The following GAS7 variants were observed in gnomAD, a reference collection of about 807,000 sequenced individuals.
GAS7 encodes the protein growth arrest specific 7.
Under a neutral mutation model 71.1 loss-of-function variants are expected in GAS7, and 28 were observed. The observed-to-expected ratio is 0.39, with a 90% CI of 0.29 to 0.54. GAS7 has a LOEUF of 0.54. Among genes scored for constraint, GAS7 ranks in the 20% least tolerant of loss-of-function variants. The pLI is 0.62. For missense variants in GAS7, 436 were observed against 627.8 expected (o/e 0.69, Z 3.27); for synonymous variants, 258 against 245.8 (o/e 1.05, Z -0.46).
intron 1 of GAS7, among the ~76,000 whole-genome samples, chr17:10,117,121 G>A (rs1377907865): frequency 6.6e-6 from 1 of 152,112 alleles, no homozygotes; most frequent in Non-Finnish European, 1.5e-5. Context: ...GGTTCCTCCT[G>A]GAGGCTCTAG....
Position 10,046,844 on chromosome 17 carries a change from G to GAAAA in GAS7, c.184-26948_184-26947insTTTT, listed in dbSNP as rs2072976254. Among the ~76,000 whole-genome samples the GAAAA allele has an allele frequency of 2.0e-4, 16 of 80,902 alleles. 2 individuals carry two copies. Among genetic ancestry groups the GAAAA allele is most frequent in the African/African-American group, 7.1e-4 (11 of 15,394 alleles). 53.1% of individuals were successfully genotyped at this position (80,902 alleles called of 152,430 possible). ...AGGAAGGAAGGAAGGAAGGAAGGAAGGAAAGAAAAGAAAAGAAAAAAGAAA... is the reference window on the plus strand; with the variant it reads ...AGGAAGGAAGGAAGGAAGGAAGGAAGAAAAGAAAGAAAAGAAAAGAAAAAAGAAA... On this transcript the variant is annotated intron_variant, in intron 1 of 13. Coordinates refer to ENST00000432992, the MANE Select transcript of GAS7 (RefSeq NM_201433.2).
chr17:9,951,832 C>T (rs532486017), intron 5 of GAS7, among the ~76,000 whole-genome samples: 44 of 145,396 alleles, frequency 3.0e-4, no homozygotes, highest in Admixed American at 7.0e-4. Flanking sequence ...TTGGCCAAAA[C>T]GTGGGGCAGG....
At chr17:9,947,391 A>C (rs2068827536) in intron 5 of GAS7, among the ~76,000 whole-genome samples, 1 of 152,204 alleles carries the variant, frequency 6.6e-6, no homozygotes, top group Non-Finnish European at 1.5e-5. Flanking sequence ...TGGTTAAACA[A>C]AGTATGAGAT....
rs1451306817 is a variant in GAS7 at position 9,913,890 on chromosome 17, T to C, written c.*3338A>G. On this transcript the variant is annotated 3_prime_UTR_variant, in exon 14 of 14. Coordinates refer to ENST00000432992, the MANE Select transcript of GAS7 (RefSeq NM_201433.2). ...AAACAGATCTTGTGCATCAGTCTCC[T>C]GGGTGGAGGCAGGTAGAAGGGGCTG... is the stretch of plus-strand genomic sequence containing the variant. The C allele has an allele frequency of 8.6e-6, 2 of 232,200 alleles. No homozygotes were observed. Among genetic ancestry groups the C allele is most frequent in the Non-Finnish European group, 1.7e-5 (2 of 117,394 alleles). The allele number at this position is 232,200 out of a possible 1,614,324, so 14.4% of individuals were successfully genotyped here. A position where few individuals can be genotyped will look rare whatever the true frequency, so the allele number is the denominator to read the frequency against.
chr17:10,148,549 C>T (rs914298450), intron 1 of GAS7, among the ~76,000 whole-genome samples: 54 of 147,884 alleles, frequency 3.7e-4, no homozygotes, highest in African/African-American at 1.3e-3. Flanking sequence ...ACCCGGGAGG[C>T]GGAGGTTGCA....
At chr17:10,173,620 T>A (rs1318778637) in intron 1 of GAS7, among the ~76,000 whole-genome samples, 1 of 151,904 alleles carries the variant, frequency 6.6e-6, no homozygotes, top group African/African-American at 2.4e-5. Flanking sequence ...TACAAAAAAT[T>A]AGCCGGGTGT....
rs1297223780 is a variant in GAS7 at position 9,995,180 on chromosome 17, C to T, written c.305-13296G>A. Among the ~76,000 whole-genome samples, 3 of 152,288 alleles carry T rather than the reference C, an allele frequency of 2.0e-5. No homozygotes were observed. In the East Asian group the frequency reaches 5.8e-4, roughly 29 times the overall value. On this transcript the variant is annotated intron_variant, in intron 2 of 13. Coordinates refer to ENST00000432992, the MANE Select transcript of GAS7 (RefSeq NM_201433.2). ...TACATCCCCTGCTTTCATACCTATCCCTCCCACCAGATGTATTCTGAGGGT... is the reference window on the plus strand; with the variant it reads ...TACATCCCCTGCTTTCATACCTATCTCTCCCACCAGATGTATTCTGAGGGT...
chr17:10,125,986 G>A (rs2073943025), intron 1 of GAS7, among the ~76,000 whole-genome samples: 1 of 152,136 alleles, frequency 6.6e-6, no homozygotes, highest in African/African-American at 2.4e-5. Flanking sequence ...GACCACCACG[G>A]GTGCAACCCA....
chr17:10,146,974 T>A (rs1213474473), intron 1 of GAS7, among the ~76,000 whole-genome samples: 1 of 105,298 alleles, frequency 9.5e-6, no homozygotes, highest in Admixed American at 9.6e-5. Context: ...AAAAACGATC[T>A]CTGTCTTCCT....
Position 9,994,162 on chromosome 17 carries a change from C to A in GAS7, c.305-12278G>T, listed in dbSNP as rs1168866119. 4.2e-3 allele frequency among the ~76,000 whole-genome samples: 625 copies of A among 150,130 alleles called. 8 individuals are homozygous for A. The highest frequency in any genetic ancestry group is 0.015 in the African/African-American group (597 of 40,674). On this transcript the variant is annotated intron_variant, in intron 2 of 13. Transcript: ENST00000432992. ...ATCAAGCTACCAATGCCTTTCTTCA[C>A]AGAATTGGAAAAAACTACTTTAAAG...
chr17:10,151,393 G>A (rs1281089550), intron 1 of GAS7, among the ~76,000 whole-genome samples: 2 of 151,172 alleles, frequency 1.3e-5, no homozygotes, highest in Non-Finnish European at 3.0e-5. Context: ...TTTAAGTATT[G>A]TTTTCTAACA....
At chr17:10,117,439 T>C (rs2073870474) in intron 1 of GAS7, among the ~76,000 whole-genome samples, 1 of 152,120 alleles carries the variant, frequency 6.6e-6, no homozygotes, top group Non-Finnish European at 1.5e-5. Flanking sequence ...GGACCATTAC[T>C]CAGCCCCCAC....
chr17:10,104,961 C>A (rs1597794564), intron 1 of GAS7, among the ~76,000 whole-genome samples: 1 of 152,276 alleles, frequency 6.6e-6, no homozygotes, highest in Non-Finnish European at 1.5e-5. Flanking sequence ...TTGCACTACT[C>A]CTAGAAAAAC....
chr17:9,972,596 A>G (rs1468818696), intron 3 of GAS7, among the ~76,000 whole-genome samples: 2 of 150,260 alleles, frequency 1.3e-5, no homozygotes, highest in Non-Finnish European at 3.0e-5. Context: ...CTACAAACAA[A>G]GATAACATCT....
chr17:9,930,746 T>C lies in GAS7; in HGVS notation c.885+3420A>G, dbSNP rs148993233. 7.5e-4 allele frequency among the ~76,000 whole-genome samples: 114 copies of C among 152,360 alleles called. 1 individual carries two copies. The highest frequency in any genetic ancestry group is 2.7e-3 in the African/African-American group (111 of 41,596). The stretch of plus-strand genomic sequence containing the variant: ...TGGAGCAGACATTAAAAACGGTTTT[T>C]GGCATATGGAGCTATATTATTCATG... On this transcript the variant is annotated intron_variant, in intron 9 of 13. Coordinates refer to ENST00000432992, the MANE Select transcript of GAS7 (RefSeq NM_201433.2).
chr17:9,924,609 G>C (rs2067931646), intron 11 of GAS7: 1 of 143,662 alleles, frequency 7.0e-6, no homozygotes, highest in African/African-American at 2.6e-5. Context: ...TATAAGATTT[G>C]TATAATAAAC....
At chr17:10,029,239 C>T (rs570587725) in intron 1 of GAS7, among the ~76,000 whole-genome samples, 2 of 152,336 alleles carry the variant, frequency 1.3e-5, no homozygotes, top group African/African-American at 4.8e-5. Flanking sequence ...AATACCACGA[C>T]CTTCATTGTA....
intron 2 of GAS7, among the ~76,000 whole-genome samples, chr17:9,984,988 C>A (rs537559928): frequency 2.1e-5 from 3 of 144,378 alleles, no homozygotes; most frequent in Admixed American, 1.3e-4. Context: ...GAGTCAAGAC[C>A]GGGCTCCCCT....
At chr17:10,158,629 G>C (rs892141645) in intron 1 of GAS7, among the ~76,000 whole-genome samples, 1 of 152,100 alleles carries the variant, frequency 6.6e-6, no homozygotes, top group Non-Finnish European at 1.5e-5. Flanking sequence ...AAGGATAGAA[G>C]GTTAGATATG....
Sources: gnomAD v4.1 joint callset for allele counts (sites outside exome capture counted in the v4.1 genomes callset) on GRCh38, gnomAD v4.1.1 for gene constraint, MANE v1.5 for transcripts, NCBI Gene and HGNC (gene_info 2026-07-23, HGNC 2026-07-21) for gene names.